Variants in ASPRV1 observed in about 807,000 individuals in gnomAD.
The protein encoded by ASPRV1 is aspartic peptidase retroviral like 1.
Under a neutral mutation model 11.0 loss-of-function variants are expected in ASPRV1, and 7 were observed. The ratio of observed to expected loss-of-function variants is 0.64; its 90% CI spans 0.36 to 1.20. ASPRV1 has a LOEUF of 1.20. ASPRV1 is among the 50% of genes most tolerant of loss of function. The pLI is 0.02. For synonymous variants in ASPRV1, 136 were observed against 138.4 expected, an observed-to-expected ratio of 0.98 and a Z score of 0.12; for missense variants, 299 against 320.0, an observed-to-expected ratio of 0.93 and a Z score of 0.50.
the ASPRV1 span, among the ~76,000 whole-genome samples, chr2:69,981,908 G>A: frequency 6.6e-6 from 1 of 152,130 alleles, no homozygotes; most frequent in Non-Finnish European, 1.5e-5. Flanking sequence ...CCAGTTGCCT[G>A]TAACCCCAGA....
In ASPRV1 at chr2:69,961,515, G is replaced by A. The variant is rs142419377; in HGVS notation, c.-79C>T. The A allele has an allele frequency of 4.2e-4, 673 of 1,614,148 alleles. No homozygotes were observed. The highest frequency in any genetic ancestry group is 4.2e-4 in the Non-Finnish European group (493 of 1,180,044). The stretch of plus-strand genomic sequence containing the variant: ...CACAGAGCAGTGTCGGCGCAATCAC[G>A]CTGGAAAACGGGGCCTCTCGAAGCA... On this transcript the variant is annotated 5_prime_UTR_variant, in exon 1 of 1. Transcript: ENST00000320256.
chr2:70,027,750 A>G, the ASPRV1 span, among the ~76,000 whole-genome samples: 8 of 152,342 alleles, frequency 5.3e-5, no homozygotes, highest in East Asian at 1.5e-3. Flanking sequence ...TAGTTAGATA[A>G]AAGGAATAAG....
At chr2:69,990,863 C>A in the ASPRV1 span, among the ~76,000 whole-genome samples, 1 of 152,130 alleles carries the variant, frequency 6.6e-6, no homozygotes. Flanking sequence ...TAGGCGCCCT[C>A]GGGCCACCTT....
chr2:69,999,767 A>C, the ASPRV1 span, among the ~76,000 whole-genome samples: 1 of 150,840 alleles, frequency 6.6e-6, no homozygotes, highest in South Asian at 2.1e-4. Context: ...GGGAATTGTC[A>C]CGATCTCTGC....
the ASPRV1 span, chr2:69,938,348 T>C: frequency 1.3e-6 from 2 of 1,535,680 alleles, no homozygotes; most frequent in Admixed American, 1.8e-5. Context: ...AGGTAACGTA[T>C]TGGACCTGCC....
At chr2:70,001,799 A>T in the ASPRV1 span, among the ~76,000 whole-genome samples, 136 of 152,314 alleles carry the variant, frequency 8.9e-4, no homozygotes, top group African/African-American at 3.2e-3. Flanking sequence ...GGATGTGCAC[A>T]GAGTCAGAAT....
the ASPRV1 span, among the ~76,000 whole-genome samples, chr2:70,071,121 TACAA>T: frequency 6.6e-6 from 1 of 152,144 alleles, no homozygotes; most frequent in African/African-American, 2.4e-5. Flanking sequence ...TCCTAATGAT[TACAA>T]GAGTAGGAGA....
At chr2:70,079,283 A>G in the ASPRV1 span, among the ~76,000 whole-genome samples, 2 of 152,036 alleles carry the variant, frequency 1.3e-5, no homozygotes, top group African/African-American at 4.8e-5. Context: ...ATCCAGCCTC[A>G]GCAACATTGT....
At chr2:69,999,650 T>C in the ASPRV1 span, among the ~76,000 whole-genome samples, 12 of 120,374 alleles carry the variant, frequency 1.0e-4, no homozygotes, top group African/African-American at 4.1e-4. Context: ...AGCAAGACTC[T>C]GTCTCAAAAA....
At chr2:69,999,795 C>G in the ASPRV1 span, among the ~76,000 whole-genome samples, 3 of 151,836 alleles carry the variant, frequency 2.0e-5, no homozygotes, top group Non-Finnish European at 4.4e-5. Flanking sequence ...CCCCACCACT[C>G]CCCTTCCTAC....
upstream of ASPRV1, among the ~76,000 whole-genome samples, chr2:69,965,064 T>C (rs1678289991): frequency 6.6e-6 from 1 of 152,172 alleles, no homozygotes; most frequent in Non-Finnish European, 1.5e-5. Context: ...TATTTATTTA[T>C]TGAGATGGAG....
the ASPRV1 span, chr2:70,034,784 GC>G: frequency 6.6e-6 from 1 of 152,198 alleles, no homozygotes; most frequent in South Asian, 2.1e-4. Context: ...TAACATTCCT[GC>G]CCCCACAGAC....
the ASPRV1 span, chr2:70,030,627 C>T: frequency 6.6e-6 from 1 of 152,140 alleles, no homozygotes; most frequent in African/African-American, 2.4e-5. Context: ...TTTAATTCTT[C>T]AATAAAATGA....
At chr2:69,963,884 G>A (rs1447402827), upstream of ASPRV1, among the ~76,000 whole-genome samples, 14 of 152,184 alleles carry the variant, frequency 9.2e-5, no homozygotes, top group Non-Finnish European at 4.4e-5. Flanking sequence ...GCTGGGCTGA[G>A]AGAGGTATAG....
At chr2:69,953,976 C>T in the ASPRV1 span, among the ~76,000 whole-genome samples, 1 of 152,254 alleles carries the variant, frequency 6.6e-6, no homozygotes, top group Admixed American at 6.5e-5. Context: ...CCTCTGCCTC[C>T]CAAAGTGTTG....
At chr2:70,057,849 A>T in the ASPRV1 span, among the ~76,000 whole-genome samples, 5,690 of 151,348 alleles carry the variant, frequency 0.038, 363 homozygotes, top group African/African-American at 0.13. Context: ...GCTGAAATGC[A>T]GTGGCACAAT....
chr2:70,046,467 G>A, the ASPRV1 span: 1 of 152,186 alleles, frequency 6.6e-6, no homozygotes, highest in Non-Finnish European at 1.5e-5. Flanking sequence ...CACAGAAGCA[G>A]ATTATTAAGG....
the ASPRV1 span, among the ~76,000 whole-genome samples, chr2:70,034,154 TAAAA>T: frequency 1.4e-5 from 1 of 69,252 alleles, no homozygotes. Context: ...CTCCATCTCA[TAAAA>T]AAAAAAAAAA....
the ASPRV1 span, among the ~76,000 whole-genome samples, chr2:70,073,793 A>C: frequency 6.6e-6 from 1 of 152,062 alleles, no homozygotes; most frequent in Admixed American, 6.6e-5. Context: ...GAGACGGCTC[A>C]TCCCTTGCCC....
Sources: allele counts gnomAD v4.1 joint callset (sites outside exome capture counted in the v4.1 genomes callset), GRCh38; gene constraint gnomAD v4.1.1; transcripts MANE v1.5; gene names NCBI Gene and HGNC (gene_info 2026-07-23, HGNC 2026-07-21).